The following FAT3 variants were observed in gnomAD, a reference collection of about 807,000 sequenced individuals.
FAT3 encodes FAT atypical cadherin 3, also known as protocadherin Fat 3.
FAT3 carries 95 observed loss-of-function variants against 310.2 expected under a neutral mutation model. That is an observed-to-expected ratio of 0.31 (90% CI 0.26 to 0.36). FAT3 has a LOEUF of 0.36. Among genes scored for constraint, FAT3 ranks in the 10% least tolerant of loss-of-function variants. FAT3 has a pLI of 1.00. For missense variants in FAT3, 5,408 were observed against 5,715.6 expected, an observed-to-expected ratio of 0.95 and a Z score of 1.74; for synonymous variants, 2,314 against 2,192.9, an observed-to-expected ratio of 1.06 and a Z score of -1.54.
At chr11:92,727,414 A>G (rs1405779727) in intron 4 of FAT3, among the ~76,000 whole-genome samples, 1 of 150,910 alleles carries the variant, frequency 6.6e-6, no homozygotes, top group Non-Finnish European at 1.5e-5. Context: ...AGTGACATAA[A>G]TAATTATTTA....
In FAT3 at chr11:92,476,302, A is replaced by G. The variant is rs564408118; in HGVS notation, c.3293-48332A>G. Among the ~76,000 whole-genome samples the G allele has an allele frequency of 7.2e-5, 11 of 152,306 alleles. No individual in the cohort carries two copies. In the East Asian group the frequency reaches 1.5e-3, roughly 21 times the overall value. On this transcript the variant is annotated intron_variant, in intron 2 of 27. Transcript: ENST00000525166. The stretch of plus-strand genomic sequence containing the variant: ...ATGGAAATGTCAGACTGACAATAAT[A>G]TCTATTATTTGTATAACCTAGTTTC...
At chr11:92,785,647 T>C (rs977486401) in intron 7 of FAT3, among the ~76,000 whole-genome samples, 1 of 152,010 alleles carries the variant, frequency 6.6e-6, no homozygotes, top group African/African-American at 2.4e-5. Context: ...TTAAAAAGTG[T>C]TCAAAACCTA....
chr11:92,645,638 C>CT (rs1254747615), intron 3 of FAT3, among the ~76,000 whole-genome samples: 3 of 151,842 alleles, frequency 2.0e-5, no homozygotes, highest in East Asian at 3.9e-4. Flanking sequence ...TCTTTGTTTG[C>CT]TTTTTTTTAG....
At chr11:92,701,477 G>A (rs1478999419) in intron 4 of FAT3, among the ~76,000 whole-genome samples, 2 of 152,220 alleles carry the variant, frequency 1.3e-5, no homozygotes, top group Non-Finnish European at 1.5e-5. Context: ...GCAAAGAACT[G>A]TAGGCAAATT....
At position 92,713,480 on chromosome 11, in the gene FAT3, A is replaced by C. The variant is rs1944587335; in HGVS notation, c.3669+16035A>C. 2.6e-5 allele frequency among the ~76,000 whole-genome samples: 4 copies of C among 152,334 alleles called. 2 individuals carry two copies. In the South Asian group the frequency reaches 8.3e-4, roughly 32 times the overall value. Reference sequence around the variant, plus strand: ...GGCTGGCATTTAAATAAAGTAAGCCAGGATTCTGAAACTCAATTAGTTTCT... The same window carrying C: ...GGCTGGCATTTAAATAAAGTAAGCCCGGATTCTGAAACTCAATTAGTTTCT... On this transcript the variant is annotated intron_variant, in intron 4 of 27. Coordinates refer to ENST00000525166, the MANE Select transcript of FAT3 (RefSeq NM_001367949.2).
rs1949912109 is a variant in FAT3 at position 92,891,193 on chromosome 11, A to G, written c.*80A>G. On this transcript the variant is annotated 3_prime_UTR_variant, in exon 28 of 28. Coordinates refer to ENST00000525166, the MANE Select transcript of FAT3 (RefSeq NM_001367949.2). Reference sequence around the variant, plus strand: ...GGCTGGGCTTCTGTCCCAGTGGAGCATTGTCTGTGGAATGAGAAGGGAATA... The same window carrying G: ...GGCTGGGCTTCTGTCCCAGTGGAGCGTTGTCTGTGGAATGAGAAGGGAATA... The G allele has an allele frequency of 6.5e-7, 1 of 1,532,182 alleles. No individual in the cohort carries two copies. The highest frequency in any genetic ancestry group is 1.4e-5 in the African/African-American group (1 of 73,676). The allele number at this position is 1,532,182 out of a possible 1,614,324, so 94.9% of individuals were successfully genotyped here. A position where few individuals can be genotyped will look rare whatever the true frequency, so the allele number is the denominator to read the frequency against.
intron 3 of FAT3, among the ~76,000 whole-genome samples, chr11:92,624,871 G>C (rs191119487): frequency 1.3e-5 from 2 of 152,320 alleles, no homozygotes; most frequent in African/African-American, 4.8e-5. Context: ...GAGACGATCT[G>C]TTCAAAGCTG....
chr11:92,493,928 A>T (rs1952678492), intron 2 of FAT3, among the ~76,000 whole-genome samples: 1 of 151,974 alleles, frequency 6.6e-6, no homozygotes, highest in Non-Finnish European at 1.5e-5. Context: ...TGCAAGAATG[A>T]CCTAGTGGAA....
At chr11:92,644,962 G>A (rs1942096700) in intron 3 of FAT3, among the ~76,000 whole-genome samples, 1 of 152,144 alleles carries the variant, frequency 6.6e-6, no homozygotes, top group African/African-American at 2.4e-5. Context: ...ACAGAGGCGG[G>A]ACTTGTTGAG....
At chr11:92,234,226 T>C in intron 1 of FAT3, among the ~76,000 whole-genome samples, 1 of 152,348 alleles carries the variant, frequency 6.6e-6, no homozygotes, top group Non-Finnish European at 1.5e-5. Flanking sequence ...CTCTCTTACA[T>C]TTATCTGTTT....
intron 3 of FAT3, 98 bp from the exon 4 acceptor site, chr11:92,697,286 A>T: frequency 2.1e-6 from 2 of 957,058 alleles, no homozygotes; most frequent in Non-Finnish European, 3.3e-6. Context: ...ACAGTTCCAT[A>T]CCACTTTTGC....
chr11:92,633,971 A>G (rs1221665407), intron 3 of FAT3, among the ~76,000 whole-genome samples: 1 of 152,216 alleles, frequency 6.6e-6, no homozygotes, highest in Non-Finnish European at 1.5e-5. Context: ...AACAGTTCCA[A>G]GCACAGACTG....
chr11:92,608,720 CAAT>C (rs9299904), intron 3 of FAT3, among the ~76,000 whole-genome samples: 1,731 of 145,124 alleles, frequency 0.012, 54 homozygotes, highest in African/African-American at 0.042. Context: ...CTGAATTCAG[CAAT>C]AATAATAATA....
At chr11:92,809,437 A>G (rs1947604870) in intron 12 of FAT3, among the ~76,000 whole-genome samples, 1 of 152,330 alleles carries the variant, frequency 6.6e-6, no homozygotes, top group South Asian at 2.1e-4. Flanking sequence ...TGTTGACAAT[A>G]TTGACCATCA....
rs1176585711 is a variant in FAT3, at chr11:92,352,039, T to TC, written c.-17-52dup. The TC allele has an allele frequency of 7.3e-6, 8 of 1,099,662 alleles. No individual in the cohort carries two copies. In the African/African-American group the frequency reaches 1.1e-4, roughly 16 times the overall value. The allele number at this position is 1,099,662 out of a possible 1,614,324, so 68.1% of individuals were successfully genotyped here. A position where few individuals can be genotyped will look rare whatever the true frequency, so the allele number is the denominator to read the frequency against. On this transcript the variant is annotated intron_variant, in intron 1 of 27. Transcript: ENST00000525166. ...GCTTCCTAATAGTTATTTCCCACTC[T>TC]CCCCCTTCTTCTAGGATGGTTAATT...
At chr11:92,802,299 C>G (rs1947383557) in intron 10 of FAT3, among the ~76,000 whole-genome samples, 1 of 152,156 alleles carries the variant, frequency 6.6e-6, no homozygotes, top group Non-Finnish European at 1.5e-5. Flanking sequence ...AAACAAATAG[C>G]TTGATCACAG....
intron 1 of FAT3, among the ~76,000 whole-genome samples, chr11:92,315,455 A>ATGTGTGTG (rs1157835093): frequency 1.2e-4 from 13 of 107,824 alleles, no homozygotes; most frequent in South Asian, 6.1e-4. Flanking sequence ...GTGTATATAT[A>ATGTGTGTG]TGTGTGTGTG....
intron 19 of FAT3, among the ~76,000 whole-genome samples, chr11:92,850,874 C>A (rs551807306): frequency 6.6e-6 from 1 of 152,290 alleles, no homozygotes; most frequent in African/African-American, 2.4e-5. Context: ...CACCCTTCTC[C>A]TCCCTGCATG....
At chr11:92,481,387 A>C (rs1220409189) in intron 2 of FAT3, among the ~76,000 whole-genome samples, 1 of 152,154 alleles carries the variant, frequency 6.6e-6, no homozygotes, top group African/African-American at 2.4e-5. Flanking sequence ...GGAAAAAAAA[A>C]CTATTCAGGA....
Sources: gnomAD v4.1 joint callset for allele counts (sites outside exome capture counted in the v4.1 genomes callset) on GRCh38, gnomAD v4.1.1 for gene constraint, MANE v1.5 for transcripts, NCBI Gene and HGNC (gene_info 2026-07-23, HGNC 2026-07-21) for gene names.